The following AGPAT4 variants were observed in gnomAD, a reference collection of about 807,000 sequenced individuals.
AGPAT4 encodes 1-acylglycerol-3-phosphate O-acyltransferase 4.
AGPAT4 carries 15 observed loss-of-function variants against 48.0 expected under a neutral mutation model. That is an observed-to-expected ratio of 0.31 (90% CI 0.21 to 0.48). AGPAT4 has a LOEUF of 0.48. Among genes scored for constraint, AGPAT4 ranks in the 20% least tolerant of loss-of-function variants. AGPAT4 has a pLI of 0.99. For synonymous variants in AGPAT4, 178 were observed against 198.7 expected (o/e 0.90, Z 0.88); for missense variants, 314 against 482.5 (o/e 0.65, Z 3.27).
intron 2 of AGPAT4, among the ~76,000 whole-genome samples, chr6:161,205,761 T>TAATAAC (rs71004032): frequency 0.27 from 39,884 of 148,750 alleles, 5,867 homozygotes; most frequent in East Asian, 0.59. Context: ...ATAATAATAA[T>TAATAAC]AACAACAAAC....
rs1359586824 is a variant in AGPAT4, at chr6:161,153,390, C to T, written c.620G>A (p.Arg207Gln). The stretch of plus-strand genomic sequence containing the variant: ...CACGGTGATGGCGAAGCCCTTGGTT[C>T]GTGGCAACAGGTGATGCTTGAGGCG... ...LPRLKHHLLP[R>Q]TKGFAITVRS... The change falls in exon 5 of 9, where the codon CGA becomes CAA. Residue 207 changes from arginine to glutamine, a missense_variant. Physicochemically the swap from Arg to Gln is conservative, Grantham distance 43. Coordinates refer to ENST00000320285, the MANE Select transcript of AGPAT4 (RefSeq NM_020133.3). 6.2e-7 allele frequency: 1 copy of T among 1,610,786 alleles called. No individual in the cohort carries two copies. The highest frequency in any genetic ancestry group is 8.5e-7 in the Non-Finnish European group (1 of 1,178,524).
chr6:161,253,049 A>G (rs958173415), intron 1 of AGPAT4, among the ~76,000 whole-genome samples: 3 of 151,340 alleles, frequency 2.0e-5, no homozygotes, highest in Non-Finnish European at 4.4e-5. Context: ...CCCCGTCTCT[A>G]CTAAAAGTAC....
chr6:161,130,991 A>G lies in AGPAT4; in HGVS notation c.*5549T>C. 1.7e-5 allele frequency: 8 copies of G among 475,426 alleles called. No individual in the cohort carries two copies. Among genetic ancestry groups the G allele is most frequent in the South Asian group, 1.1e-4 (7 of 66,190 alleles). The allele number at this position is 475,426 out of a possible 1,614,324, so 29.5% of individuals were successfully genotyped here. A position where few individuals can be genotyped will look rare whatever the true frequency, so the allele number is the denominator to read the frequency against. On this transcript the variant is annotated 3_prime_UTR_variant, in exon 9 of 9. Coordinates refer to ENST00000320285, the MANE Select transcript of AGPAT4 (RefSeq NM_020133.3). ...TATGGAATAGAAAAGGAAAAGTGAC[A>G]TTTGTGTAATTTATTTTGGAAATGC...
intron 2 of AGPAT4, among the ~76,000 whole-genome samples, chr6:161,205,331 C>A: frequency 6.6e-6 from 1 of 152,140 alleles, no homozygotes; most frequent in East Asian, 1.9e-4. Flanking sequence ...AAAGAGGACA[C>A]AGGGCATTCT....
chr6:161,181,101 C>T (rs1780573735), intron 2 of AGPAT4, among the ~76,000 whole-genome samples: 2 of 152,118 alleles, frequency 1.3e-5, no homozygotes, highest in Admixed American at 6.5e-5. Flanking sequence ...TTAATAAAAG[C>T]ACAAAGTGAA....
rs962389495 is a variant in AGPAT4 at position 161,229,796 on chromosome 6, C to T, written c.178+2240G>A. On this transcript the variant is annotated intron_variant, in intron 2 of 8. Coordinates refer to ENST00000320285, the MANE Select transcript of AGPAT4 (RefSeq NM_020133.3). The surrounding 1 kb of genome is among the most constrained non-coding windows in gnomAD (Gnocchi z 6.0). ...GATTGTTTAAAAATGCTTCCACTAT[C>T]GCTTGGCCCAAAGCCCTAGGAAGCC... Among the ~76,000 whole-genome samples, 2 of 152,244 alleles carry T rather than the reference C, an allele frequency of 1.3e-5. No individual in the cohort carries two copies. The highest frequency in any genetic ancestry group is 2.1e-4 in the South Asian group (1 of 4,822).
chr6:161,175,836 G>C (rs1780413497), intron 2 of AGPAT4, among the ~76,000 whole-genome samples: 1 of 152,068 alleles, frequency 6.6e-6, no homozygotes, highest in East Asian at 1.9e-4. Context: ...GGTATGTTAT[G>C]TCTTTGTTCT....
rs1463604631 is a variant in AGPAT4 at position 161,200,758 on chromosome 6, T to C, written c.178+31278A>G. Among the ~76,000 whole-genome samples the C allele has an allele frequency of 2.0e-5, 3 of 152,216 alleles. No homozygotes were observed. The highest frequency in any genetic ancestry group is 4.8e-5 in the African/African-American group (2 of 41,466). On this transcript the variant is annotated intron_variant, in intron 2 of 8. Coordinates refer to ENST00000320285, the MANE Select transcript of AGPAT4 (RefSeq NM_020133.3). This position sits in a 1 kb window ranked among gnomAD's most constrained non-coding sequence, Gnocchi z 5.5. Reference sequence around the variant, plus strand: ...GAGGCTCCATCTGTTCCTGAAGCCATACGGTCCATGTGTTACACTGCCCCC... The same window carrying C: ...GAGGCTCCATCTGTTCCTGAAGCCACACGGTCCATGTGTTACACTGCCCCC...
Position 161,264,574 on chromosome 6 carries a change from C to T in AGPAT4, c.-90+9364G>A, listed in dbSNP as rs566586607. Among the ~76,000 whole-genome samples, 32 of 152,348 alleles carry T rather than the reference C, an allele frequency of 2.1e-4. No homozygotes were observed. The highest frequency in any genetic ancestry group is 7.0e-4 in the African/African-American group (29 of 41,586). On this transcript the variant is annotated intron_variant, in intron 1 of 8. Coordinates refer to ENST00000320285, the MANE Select transcript of AGPAT4 (RefSeq NM_020133.3). The surrounding 1 kb of genome is among the most constrained non-coding windows in gnomAD (Gnocchi z 6.8). ...GGCGTGCCCGCGCATCCCTGCCCTGCAAGTCTTATCCACTGCGTGGGAACC... is the reference window on the plus strand; with the variant it reads ...GGCGTGCCCGCGCATCCCTGCCCTGTAAGTCTTATCCACTGCGTGGGAACC...
chr6:161,248,346 G>T (rs991430911), intron 1 of AGPAT4, among the ~76,000 whole-genome samples: 1 of 152,054 alleles, frequency 6.6e-6, no homozygotes, highest in African/African-American at 2.4e-5. Flanking sequence ...AGGCCGAGAC[G>T]GGCGGATCAT....
rs1285533903 is a variant in AGPAT4, at chr6:161,251,332, A to G, written c.-89-19030T>C. ...CATTGATTCCCATGCAGTCTCTCCT[A>G]CATCGAATACCAATAAACAGACATG... On this transcript the variant is annotated intron_variant, in intron 1 of 8. Coordinates refer to ENST00000320285, the MANE Select transcript of AGPAT4 (RefSeq NM_020133.3). This position sits in a 1 kb window ranked among gnomAD's most constrained non-coding sequence, Gnocchi z 4.6. 2.0e-5 allele frequency among the ~76,000 whole-genome samples: 3 copies of G among 152,198 alleles called. No homozygotes were observed. Among genetic ancestry groups the G allele is most frequent in the African/African-American group, 7.2e-5 (3 of 41,454 alleles).
At chr6:161,173,340 C>A (rs1025444002) in intron 2 of AGPAT4, among the ~76,000 whole-genome samples, 1 of 152,226 alleles carries the variant, frequency 6.6e-6, no homozygotes, top group Non-Finnish European at 1.5e-5. Flanking sequence ...GCCATTCTAA[C>A]TGACATGAGA....
rs1257210033 is a variant in AGPAT4 at position 161,140,377 on chromosome 6, C to T, written c.844-757G>A. On this transcript the variant is annotated intron_variant, in intron 7 of 8. Transcript: ENST00000320285. The surrounding 1 kb of genome is among the most constrained non-coding windows in gnomAD (Gnocchi z 6.5). ...AGATCCTTAGTGGGAACCATGTACT[C>T]ATCCACATCCACCCACAGGGTGTGT... 2.0e-5 allele frequency among the ~76,000 whole-genome samples: 3 copies of T among 152,242 alleles called. No individual in the cohort carries two copies.
At chr6:161,192,431 GT>G (rs1780953587) in intron 2 of AGPAT4, among the ~76,000 whole-genome samples, 1 of 152,094 alleles carries the variant, frequency 6.6e-6, no homozygotes, top group Non-Finnish European at 1.5e-5. Flanking sequence ...GATTACAGGG[GT>G]GAGCCACTGC....
At chr6:161,228,123 T>G (rs1782031205) in intron 2 of AGPAT4, among the ~76,000 whole-genome samples, 1 of 152,180 alleles carries the variant, frequency 6.6e-6, no homozygotes, top group African/African-American at 2.4e-5. Flanking sequence ...AATCCTAAAT[T>G]TGATGTGCTT....
rs184411203 is a variant in AGPAT4 at position 161,236,826 on chromosome 6, T to A, written c.-89-4524A>T. ...CTGAGGCAGGCGAATCACTTAAACC[T>A]GGGAGGCAGAGGTTGCAGTGAGCCG... On this transcript the variant is annotated intron_variant, in intron 1 of 8. Transcript: ENST00000320285. This position sits in a 1 kb window ranked among gnomAD's most constrained non-coding sequence, Gnocchi z 5.0. Among the ~76,000 whole-genome samples, 93 of 151,960 alleles carry A rather than the reference T, an allele frequency of 6.1e-4. 2 individuals carry two copies. In the East Asian group the frequency reaches 0.017, roughly 28 times the overall value.
chr6:161,141,946 TCCGCCTCC>T lies in AGPAT4; in HGVS notation c.844-2334_844-2327del, dbSNP rs538886734. ...GGCACGATCTCCTCTCACTGCAACC[TCCGCCTCC>T]CGGGTTCAAGCAATTTTCCCACCTC... On this transcript the variant is annotated intron_variant, in intron 7 of 8. Transcript: ENST00000320285. The surrounding 1 kb of genome is among the most constrained non-coding windows in gnomAD (Gnocchi z 6.7). Among the ~76,000 whole-genome samples the T allele has an allele frequency of 1.1e-3, 169 of 152,266 alleles. 1 individual carries two copies. Among genetic ancestry groups the T allele is most frequent in the Non-Finnish European group, 1.9e-3 (128 of 68,012 alleles).
chr6:161,255,634 T>A lies in AGPAT4; in HGVS notation c.-90+18304A>T, dbSNP rs963743098. Among the ~76,000 whole-genome samples the A allele has an allele frequency of 1.3e-5, 2 of 151,906 alleles. No homozygotes were observed. The highest frequency in any genetic ancestry group is 2.9e-5 in the Non-Finnish European group (2 of 67,988). ...GAAACCCGTCACAAAACACCACATA[T>A]GGTACGATTCGGTTTATATGAAAGG... is the stretch of plus-strand genomic sequence containing the variant. On this transcript the variant is annotated intron_variant, in intron 1 of 8. Coordinates refer to ENST00000320285, the MANE Select transcript of AGPAT4 (RefSeq NM_020133.3). The surrounding 1 kb of genome is among the most constrained non-coding windows in gnomAD (Gnocchi z 4.7).
intron 2 of AGPAT4, among the ~76,000 whole-genome samples, chr6:161,194,030 G>A (rs1275191270): frequency 3.9e-5 from 6 of 152,288 alleles, no homozygotes; most frequent in Middle Eastern, 6.8e-3. Flanking sequence ...CAGCTATGCT[G>A]TCCACTCCAT....
Sources: allele counts gnomAD v4.1 joint callset (sites outside exome capture counted in the v4.1 genomes callset), GRCh38; gene constraint gnomAD v4.1.1; non-coding constraint Gnocchi (gnomAD v3.1); transcripts MANE v1.5; gene names NCBI Gene and HGNC (gene_info 2026-07-23, HGNC 2026-07-21).